The following GRID1 variants were observed in gnomAD, a reference collection of about 807,000 sequenced individuals.
GRID1 encodes glutamate receptor ionotropic, delta-1.
In GRID1, 28 loss-of-function variants were observed where a neutral mutation model predicts 98.0. The observed-to-expected ratio is 0.29, with a 90% CI of 0.21 to 0.39. The LOEUF is 0.39. GRID1 is among the 10% of genes least tolerant of loss of function. The pLI is 1.00. For synonymous variants in GRID1, 553 were observed against 538.5 expected (o/e 1.03, Z -0.37); for missense variants, 1,111 against 1,340.5 (o/e 0.83, Z 2.67).
intron 15 of GRID1, among the ~76,000 whole-genome samples, chr10:85,611,928 T>C (rs1043127933): frequency 6.6e-6 from 1 of 152,232 alleles, no homozygotes; most frequent in Non-Finnish European, 1.5e-5. Flanking sequence ...CAAAGGTCTG[T>C]CTTCCTTCCC....
At chr10:86,218,095 A>G (rs1846201827) in intron 2 of GRID1, among the ~76,000 whole-genome samples, 1 of 152,046 alleles carries the variant, frequency 6.6e-6, no homozygotes, top group Non-Finnish European at 1.5e-5. Context: ...TTTTGTTTTT[A>G]GCTTTCTCTG....
At chr10:85,950,634 A>C (rs911449521) in intron 4 of GRID1, among the ~76,000 whole-genome samples, 3 of 152,224 alleles carry the variant, frequency 2.0e-5, no homozygotes, top group Non-Finnish European at 2.9e-5. Context: ...ACATCCTTGC[A>C]GTCACCTTTG....
chr10:85,599,850 G>T lies in GRID1; in HGVS notation c.*2423C>A, dbSNP rs1224568815. 1 of 128,518 alleles carries T rather than the reference G, an allele frequency of 7.8e-6. No homozygotes were observed. Among genetic ancestry groups the T allele is most frequent in the Admixed American group, 8.3e-5 (1 of 12,100 alleles). The allele number at this position is 128,518 out of a possible 1,614,324, so 8.0% of individuals were successfully genotyped here. ...ATGGTGAAGAATAACACCATGAGGT[G>T]TTAAGGATTTTGTATAAGCAGAATA... On this transcript the variant is annotated 3_prime_UTR_variant, in exon 16 of 16. Transcript: ENST00000327946.
intron 3 of GRID1, among the ~76,000 whole-genome samples, chr10:86,175,803 G>C (rs949487527): frequency 3.3e-5 from 5 of 152,008 alleles, no homozygotes; most frequent in African/African-American, 1.2e-4. Flanking sequence ...TCCGCCTCCC[G>C]GGTTCAAGCG....
intron 8 of GRID1, among the ~76,000 whole-genome samples, chr10:85,735,581 G>T (rs1306751514): frequency 6.6e-6 from 1 of 152,068 alleles, no homozygotes; most frequent in Admixed American, 6.6e-5. Context: ...ATAAATGCAG[G>T]GTTATTAACC....
Position 85,691,308 on chromosome 10 carries a change from AT to A in GRID1, c.1997+31694del, listed in dbSNP as rs1463844211. ...TGCCATAACTTTTGTTTTCTTTAGC[AT>A]TTTTCACCAATTGAAGTTCATTCTT... is the stretch of plus-strand genomic sequence containing the variant. On this transcript the variant is annotated intron_variant, in intron 12 of 15. Coordinates refer to ENST00000327946, the MANE Select transcript of GRID1 (RefSeq NM_017551.3). Among the ~76,000 whole-genome samples the A allele has an allele frequency of 2.6e-5, 4 of 152,234 alleles. No individual in the cohort carries two copies. The East Asian group carries it at 7.7e-4, about 29-fold the overall frequency.
intron 8 of GRID1, among the ~76,000 whole-genome samples, chr10:85,817,176 A>G (rs911668251): frequency 5.3e-5 from 8 of 152,150 alleles, no homozygotes; most frequent in African/African-American, 1.9e-4. Flanking sequence ...ACATGCATGC[A>G]TCTTTATGGT....
intron 12 of GRID1, among the ~76,000 whole-genome samples, chr10:85,669,396 C>A (rs1841060481): frequency 6.6e-6 from 1 of 152,196 alleles, no homozygotes; most frequent in African/African-American, 2.4e-5. Flanking sequence ...TGAGAGGGCT[C>A]CAAGGGCCCC....
chr10:86,326,567 A>C (rs1848053710), intron 2 of GRID1, among the ~76,000 whole-genome samples: 1 of 152,256 alleles, frequency 6.6e-6, no homozygotes, highest in Non-Finnish European at 1.5e-5. Flanking sequence ...CAAAATTAAA[A>C]TTTAAAGCCA....
intron 3 of GRID1, among the ~76,000 whole-genome samples, chr10:86,151,884 T>C (rs933739078): frequency 3.3e-5 from 5 of 152,286 alleles, no homozygotes; most frequent in African/African-American, 4.8e-5. Flanking sequence ...AGTGACAGGC[T>C]GATGGGACTG....
rs942019280 is a variant in GRID1 at position 85,621,135 on chromosome 10, T to C, written c.2194-1102A>G. Among the ~76,000 whole-genome samples, 53 of 152,318 alleles carry C rather than the reference T, an allele frequency of 3.5e-4. 1 individual carries two copies. The highest frequency in any genetic ancestry group is 1.1e-3 in the African/African-American group (47 of 41,592). On this transcript the variant is annotated intron_variant, in intron 13 of 15. Coordinates refer to ENST00000327946, the MANE Select transcript of GRID1 (RefSeq NM_017551.3). Reference sequence around the variant, plus strand: ...GAGATGCAAACCTGACACTGCCACCTGGCCATCTTAAAACAAAGTAGAATG... The same window carrying C: ...GAGATGCAAACCTGACACTGCCACCCGGCCATCTTAAAACAAAGTAGAATG...
intron 4 of GRID1, among the ~76,000 whole-genome samples, chr10:85,992,756 C>T (rs1842697005): frequency 6.6e-6 from 1 of 151,746 alleles, no homozygotes; most frequent in South Asian, 2.1e-4. Flanking sequence ...TCAAGACCAG[C>T]CTAGGTAACA....
chr10:85,733,215 C>T (rs1310512105), intron 8 of GRID1, among the ~76,000 whole-genome samples: 1 of 152,168 alleles, frequency 6.6e-6, no homozygotes, highest in African/African-American at 2.4e-5. Context: ...CCAGTTCCTT[C>T]TACTCTTGGC....
chr10:85,888,561 C>T (rs1841149858), intron 5 of GRID1, among the ~76,000 whole-genome samples: 1 of 152,014 alleles, frequency 6.6e-6, no homozygotes, highest in South Asian at 2.1e-4. Context: ...ACAAGGTGGA[C>T]ATCTCCCTGC....
intron 5 of GRID1, among the ~76,000 whole-genome samples, chr10:85,892,392 T>C (rs146171117): frequency 6.6e-6 from 1 of 151,516 alleles, no homozygotes; most frequent in Non-Finnish European, 1.5e-5. Context: ...AGAACACACA[T>C]AATTAAGCAC....
chr10:85,636,925 C>T (rs1298972537), intron 13 of GRID1, among the ~76,000 whole-genome samples: 3 of 152,052 alleles, frequency 2.0e-5, no homozygotes, highest in African/African-American at 4.8e-5. Flanking sequence ...AACTGAAAAA[C>T]ATTAGGCATA....
chr10:85,911,631 T>C (rs146918900), intron 5 of GRID1, among the ~76,000 whole-genome samples: 167 of 152,290 alleles, frequency 1.1e-3, no homozygotes, highest in African/African-American at 3.8e-3. Context: ...TCCAACAAAG[T>C]ATGTGTGTGC....
chr10:86,330,232 T>C (rs1413210194), intron 2 of GRID1, among the ~76,000 whole-genome samples: 2 of 152,214 alleles, frequency 1.3e-5, no homozygotes, highest in South Asian at 4.2e-4. Context: ...GTTCACACCC[T>C]TCCCTCTTGC....
At chr10:86,303,831 C>T (rs950425557) in intron 2 of GRID1, among the ~76,000 whole-genome samples, 2 of 152,210 alleles carry the variant, frequency 1.3e-5, no homozygotes, top group South Asian at 2.1e-4. Context: ...CGTCCTGAGC[C>T]GTTCCTGTCT....
Sources: allele counts gnomAD v4.1 joint callset (sites outside exome capture counted in the v4.1 genomes callset), GRCh38; gene constraint gnomAD v4.1.1; transcripts MANE v1.5; gene names NCBI Gene and HGNC (gene_info 2026-07-23, HGNC 2026-07-21).